The following DCAF17 variants were observed in gnomAD, a reference collection of about 807,000 sequenced individuals.
DCAF17 encodes DDB1 and CUL4 associated factor 17.
Under a neutral mutation model 66.0 loss-of-function variants are expected in DCAF17, and 48 were observed. The ratio of observed to expected loss-of-function variants is 0.73; its 90% CI spans 0.58 to 0.92. The LOEUF is 0.92. Ranked by LOEUF, DCAF17 falls within the 40% of genes least tolerant of loss-of-function variation. DCAF17 has a pLI of 0.00. For synonymous variants in DCAF17, 206 were observed against 214.6 expected (o/e 0.96, Z 0.35); for missense variants, 562 against 622.8 (o/e 0.90, Z 1.04).
chr2:171,455,970 G>A (rs1010055307), intron 6 of DCAF17, among the ~76,000 whole-genome samples: 7 of 151,916 alleles, frequency 4.6e-5, no homozygotes, highest in African/African-American at 1.7e-4. Flanking sequence ...GATGTCTGTT[G>A]ACTCTGTTGA....
chr2:171,478,214 T>A (rs1412907784), intron 12 of DCAF17, 144 bp downstream of exon 12: 5 of 723,448 alleles, frequency 6.9e-6, no homozygotes, highest in Admixed American at 4.0e-5. Context: ...CGCATGCTAT[T>A]TCAACCAGTG....
intron 8 of DCAF17, among the ~76,000 whole-genome samples, chr2:171,467,990 C>A (rs1309116612): frequency 6.6e-6 from 1 of 152,056 alleles, no homozygotes; most frequent in Non-Finnish European, 1.5e-5. Flanking sequence ...AAATTAAATT[C>A]TCAAGTTAGA....
At chr2:171,436,817 C>T (rs1694000165) in intron 2 of DCAF17, among the ~76,000 whole-genome samples, 2 of 150,156 alleles carry the variant, frequency 1.3e-5, no homozygotes, top group African/African-American at 4.9e-5. Context: ...TCTTGTTGCC[C>T]AGGCTGGAGT....
intron 12 of DCAF17, among the ~76,000 whole-genome samples, chr2:171,478,336 T>C (rs577622393): frequency 1.3e-5 from 2 of 152,230 alleles, no homozygotes; most frequent in Admixed American, 6.5e-5. Context: ...TGTTTTGTTT[T>C]ATTTTGTATT....
chr2:171,454,226 A>T (rs1231945664), intron 6 of DCAF17, among the ~76,000 whole-genome samples: 2 of 151,956 alleles, frequency 1.3e-5, no homozygotes, highest in East Asian at 3.9e-4. Context: ...GGTGGCAAGT[A>T]GAGGATCTAG....
chr2:171,443,660 A>G, intron 3 of DCAF17, 47 bp downstream of exon 3: 4 of 1,479,018 alleles, frequency 2.7e-6, no homozygotes, highest in Middle Eastern at 3.5e-4. Context: ...TTTTTAGCCT[A>G]GAAGAACCAG....
At chr2:171,479,820 A>G (rs1696659925) in intron 12 of DCAF17, 2 of 511,026 alleles carry the variant, frequency 3.9e-6, no homozygotes, top group Non-Finnish European at 3.5e-6. Context: ...TTTGTTTATC[A>G]AATCTGTAGG....
chr2:171,450,836 A>G (rs1422433950), intron 5 of DCAF17, among the ~76,000 whole-genome samples: 1 of 152,114 alleles, frequency 6.6e-6, no homozygotes, highest in Non-Finnish European at 1.5e-5. Context: ...TTCAGTAGAT[A>G]CTTTTATCAT....
chr2:171,435,759 CT>C (rs962512845), intron 2 of DCAF17, among the ~76,000 whole-genome samples: 2 of 152,068 alleles, frequency 1.3e-5, no homozygotes, highest in African/African-American at 4.8e-5. Flanking sequence ...TGCATGACCT[CT>C]TTTAAAGCAT....
At chr2:171,451,535 C>T (rs1362754925) in intron 5 of DCAF17, among the ~76,000 whole-genome samples, 1 of 152,092 alleles carries the variant, frequency 6.6e-6, no homozygotes, top group Non-Finnish European at 1.5e-5. Flanking sequence ...GTCTGATGTA[C>T]CTTTTTAATA....
intron 8 of DCAF17, among the ~76,000 whole-genome samples, chr2:171,465,419 AT>A (rs1157534805): frequency 6.6e-6 from 1 of 152,082 alleles, no homozygotes; most frequent in Non-Finnish European, 1.5e-5. Flanking sequence ...TTTTGAGTTT[AT>A]TCTTGAAATT....
In DCAF17 at chr2:171,480,125, C is replaced by T; in HGVS notation, c.1354C>T (p.Leu452=). The T allele has an allele frequency of 6.2e-7, 1 of 1,613,794 alleles. No individual in the cohort carries two copies. Among genetic ancestry groups the T allele is most frequent in the African/African-American group, 1.3e-5 (1 of 75,012 alleles). The change falls in exon 13 of 14, where the codon CTG becomes TTG. Residue 452 remains leucine (L), a synonymous_variant. Transcript: ENST00000375255. ...AATAGATGCTGAAGGAAAAGCTCAC[C>T]TGGATTTCCACTGTAATGAATATGG... ...TQIDAEGKAH[L]DFHCNEYGTL... is the part of the protein sequence containing the mutation.
At chr2:171,480,869 A>C (rs1337393867) in intron 13 of DCAF17, 105 bp from the exon 14 acceptor site, 3 of 1,383,662 alleles carry the variant, frequency 2.2e-6, no homozygotes, top group Admixed American at 1.7e-5. Context: ...TTTTCTTCTA[A>C]GTGTATGTTT....
At chr2:171,474,031 G>A in intron 10 of DCAF17, 56 bp downstream of exon 10, 1 of 1,456,808 alleles carries the variant, frequency 6.9e-7, no homozygotes, top group Non-Finnish European at 9.6e-7. Flanking sequence ...AGCATTTATT[G>A]GCATCTTTAT....
chr2:171,438,718 AC>A (rs1367968862), intron 2 of DCAF17, among the ~76,000 whole-genome samples: 1 of 151,648 alleles, frequency 6.6e-6, no homozygotes, highest in Non-Finnish European at 1.5e-5. Flanking sequence ...CCATTCCTTT[AC>A]TTTTAATCTA....
At chr2:171,446,336 G>A (rs544669884) in intron 3 of DCAF17, among the ~76,000 whole-genome samples, 1 of 151,984 alleles carries the variant, frequency 6.6e-6, no homozygotes, top group African/African-American at 2.4e-5. Context: ...TCACGAGATC[G>A]GGTGTTCAAG....
At chr2:171,464,960 C>T (rs992573943) in intron 8 of DCAF17, among the ~76,000 whole-genome samples, 3 of 152,146 alleles carry the variant, frequency 2.0e-5, no homozygotes, top group South Asian at 2.1e-4. Flanking sequence ...CTTTGGGAGG[C>T]CAAGGCAGGT....
intron 8 of DCAF17, among the ~76,000 whole-genome samples, chr2:171,460,543 A>ATT (rs1179035573): frequency 7.3e-6 from 1 of 136,482 alleles, no homozygotes. Context: ...TATTATTATT[A>ATT]ATTTTGAGAC....
Position 171,484,059 on chromosome 2 carries a change from T to C in DCAF17, c.*2945T>C. On this transcript the variant is annotated 3_prime_UTR_variant, in exon 14 of 14. Transcript: ENST00000375255. ...ATTTGGGTAAGATACAAGTCACACA[T>C]AAATTGACAGAAAATGTAGTTCTTC... 4.4e-6 allele frequency: 2 copies of C among 454,018 alleles called. No homozygotes were observed. The highest frequency in any genetic ancestry group is 8.8e-6 in the Non-Finnish European group (2 of 226,782). The allele number at this position is 454,018 out of a possible 1,614,324, so 28.1% of individuals were successfully genotyped here. A position where few individuals can be genotyped will look rare whatever the true frequency, so the allele number is the denominator to read the frequency against.
Sources: gnomAD v4.1 joint callset for allele counts (sites outside exome capture counted in the v4.1 genomes callset) on GRCh38, gnomAD v4.1.1 for gene constraint, MANE v1.5 for transcripts, NCBI Gene and HGNC (gene_info 2026-07-23, HGNC 2026-07-21) for gene names.